Variants in ANTXRL observed in about 807,000 individuals in gnomAD.
ANTXRL encodes the protein ANTXR like, also known as anthrax toxin receptor-like.
In ANTXRL, 63 loss-of-function variants were observed where a neutral mutation model predicts 75.4. The ratio of observed to expected loss-of-function variants is 0.84; its 90% CI spans 0.68 to 1.03. The LOEUF (loss-of-function observed/expected upper bound fraction) is 1.03, where lower values mean the gene tolerates loss of function less well. Among genes scored for constraint, ANTXRL ranks in the 50% least tolerant of loss-of-function variants. ANTXRL has a pLI of 0.00. For synonymous variants in ANTXRL, 335 were observed against 291.3 expected (o/e 1.15, Z -1.53); for missense variants, 797 against 789.4 (o/e 1.01, Z -0.12).
intron 10 of ANTXRL, among the ~76,000 whole-genome samples, chr10:46,303,883 C>T (rs1455654643): frequency 5.9e-5 from 9 of 152,030 alleles, no homozygotes; most frequent in Admixed American, 4.6e-4. Flanking sequence ...TCCCAGGTGG[C>T]CCCTTGATAC....
At chr10:46,300,993 C>T (rs1249103243) in intron 9 of ANTXRL, among the ~76,000 whole-genome samples, 1 of 149,554 alleles carries the variant, frequency 6.7e-6, no homozygotes, top group Non-Finnish European at 1.5e-5. Flanking sequence ...TCCCACCCCC[C>T]CTCTCTCTTC....
intron 16 of ANTXRL, among the ~76,000 whole-genome samples, chr10:46,321,034 A>G (rs1554965477): frequency 6.6e-6 from 1 of 152,232 alleles, no homozygotes; most frequent in African/African-American, 2.4e-5. Context: ...TAGCAAGTGC[A>G]GGAAAGAAAG....
chr10:46,321,045 T>C (rs1003112063), intron 16 of ANTXRL, among the ~76,000 whole-genome samples: 2 of 152,164 alleles, frequency 1.3e-5, no homozygotes, highest in South Asian at 2.1e-4. Context: ...GGAAAGAAAG[T>C]AGCAATTATG....
chr10:46,314,116 C>T (rs74129859), intron 16 of ANTXRL, among the ~76,000 whole-genome samples: 6,028 of 152,228 alleles, frequency 0.04, 379 homozygotes, highest in African/African-American at 0.14. Flanking sequence ...TGCATCAGGC[C>T]AGCATAGGTT....
chr10:46,311,020 G>A (rs1838388259), intron 14 of ANTXRL, among the ~76,000 whole-genome samples: 1 of 152,102 alleles, frequency 6.6e-6, no homozygotes, highest in Non-Finnish European at 1.5e-5. Context: ...CCAGCCCAGT[G>A]AGCACAGGGG....
In ANTXRL at chr10:46,313,296, T is replaced by C; in HGVS notation, c.1390T>C (p.Cys464Arg). ...AAGCTGCCACCAGGTGCCATGGATG[T>C]GTTGTCAGAGCAGGGACCAGGTGAG... Reference protein sequence around the residue: ...HASCHQVPWMCCQSRDQGRYL... With the variant: ...HASCHQVPWMRCQSRDQGRYL... The change falls in exon 16 of 17, where the codon TGT becomes CGT. Residue 464 changes from cysteine to arginine, a missense_variant. Coordinates refer to ENST00000620264, the MANE Select transcript of ANTXRL (RefSeq NM_001278688.3). 2.0e-6 allele frequency: 3 copies of C among 1,535,894 alleles called. 1 individual carries two copies. The African/African-American group carries it at 4.1e-5, about 21-fold the overall frequency.
chr10:46,324,779 C>G (rs1276126981), intron 16 of ANTXRL, among the ~76,000 whole-genome samples: 1 of 152,148 alleles, frequency 6.6e-6, no homozygotes, highest in Non-Finnish European at 1.5e-5. Context: ...CTGTAGAGAG[C>G]ATAACCATTC....
At position 46,312,398 on chromosome 10, in the gene ANTXRL, GCAGGGGACCCTGCA is replaced by G. The variant is rs1331080277; in HGVS notation, c.1329+740_1329+753del. Among the ~76,000 whole-genome samples, 2 of 147,022 alleles carry G rather than the reference GCAGGGGACCCTGCA, an allele frequency of 1.4e-5. 1 individual carries two copies. Among genetic ancestry groups the G allele is most frequent in the Non-Finnish European group, 3.0e-5 (2 of 65,720 alleles). ...CTGAGGGGAACCCTGCCAGACAGCAGCAGGGGACCCTGCACAGGGGTAGAGAGGGCGCCTGGGTG... is the reference window on the plus strand; with the variant it reads ...CTGAGGGGAACCCTGCCAGACAGCAGCAGGGGTAGAGAGGGCGCCTGGGTG... On this transcript the variant is annotated intron_variant, in intron 15 of 16. Coordinates refer to ENST00000620264, the MANE Select transcript of ANTXRL (RefSeq NM_001278688.3).
intron 16 of ANTXRL, among the ~76,000 whole-genome samples, chr10:46,326,113 C>T (rs570222586): frequency 4.4e-4 from 65 of 148,362 alleles, no homozygotes; most frequent in African/African-American, 1.6e-3. Flanking sequence ...TTTTCATCTT[C>T]ATGCTAAAAG....
Position 46,293,995 on chromosome 10 carries a change from G to A in ANTXRL, c.392+95G>A, listed in dbSNP as rs540334987. On this transcript the variant is annotated intron_variant, in intron 3 of 16. Transcript: ENST00000620264. ...GGGCTCCCGGAGACCTTGGTTGGGA[G>A]CCTGACAGCACACAGGGCAGGCCGG... is the stretch of plus-strand genomic sequence containing the variant. The A allele has an allele frequency of 1.1e-4, 139 of 1,216,282 alleles. No individual in the cohort carries two copies. In the South Asian group the frequency reaches 1.9e-3, roughly 16 times the overall value. The allele number at this position is 1,216,282 out of a possible 1,614,324, so 75.3% of individuals were successfully genotyped here. A position where few individuals can be genotyped will look rare whatever the true frequency, so the allele number is the denominator to read the frequency against.
intron 2 of ANTXRL, 22 bp downstream of exon 2, chr10:46,292,151 C>T (rs1554956692): frequency 8.5e-6 from 13 of 1,534,842 alleles, no homozygotes; most frequent in Non-Finnish European, 1.0e-5. Flanking sequence ...TGCATGGCAG[C>T]CTCCCCTGAG....
At chr10:46,327,629 C>A (rs1202835821) in intron 16 of ANTXRL, among the ~76,000 whole-genome samples, 1 of 152,104 alleles carries the variant, frequency 6.6e-6, no homozygotes, top group Non-Finnish European at 1.5e-5. Context: ...AGAGAGAGAC[C>A]ATCTCTGTAG....
chr10:46,327,997 T>C (rs1483753114), intron 16 of ANTXRL, among the ~76,000 whole-genome samples: 17 of 152,288 alleles, frequency 1.1e-4, no homozygotes, highest in African/African-American at 4.1e-4. Flanking sequence ...GGGATCCTGC[T>C]GCAGCCCTCC....
At chr10:46,292,213 T>C (rs1837020437) in intron 2 of ANTXRL, 84 bp downstream of exon 2, 1 of 1,360,452 alleles carries the variant, frequency 7.4e-7, no homozygotes, top group Admixed American at 2.0e-5. Context: ...TCCCATCAGA[T>C]GGGGTGGGCG....
chr10:46,323,338 G>A (rs965866488), intron 16 of ANTXRL, among the ~76,000 whole-genome samples: 20 of 152,124 alleles, frequency 1.3e-4, no homozygotes, highest in African/African-American at 4.6e-4. Context: ...GTAAATTAAC[G>A]CAAGAGGCCA....
At chr10:46,295,874 G>A (rs1837347422) in intron 3 of ANTXRL, 145 bp from the exon 4 acceptor site, 1 of 708,906 alleles carries the variant, frequency 1.4e-6, no homozygotes, top group Non-Finnish European at 2.4e-6. Context: ...TCACAATGAG[G>A]AATGAGGAGG....
At chr10:46,307,268 C>G in intron 11 of ANTXRL, 134 bp from the exon 12 acceptor site, 1 of 709,734 alleles carries the variant, frequency 1.4e-6, no homozygotes, top group Non-Finnish European at 2.5e-6. Context: ...GTCTGACCCA[C>G]TTACCCTTTG....
intron 9 of ANTXRL, among the ~76,000 whole-genome samples, chr10:46,298,356 A>T (rs113708985): frequency 0.42 from 61,469 of 147,084 alleles, 12,196 homozygotes; most frequent in Non-Finnish European, 0.48. Flanking sequence ...AATGTGTGTG[A>T]GATTGTGTGG....
At chr10:46,309,480 A>G (rs1378922000) in intron 13 of ANTXRL, among the ~76,000 whole-genome samples, 2 of 152,192 alleles carry the variant, frequency 1.3e-5, no homozygotes, top group African/African-American at 4.8e-5. Context: ...CCTAGAGAGA[A>G]GTGACCCCAG....
Sources: allele counts gnomAD v4.1 joint callset (sites outside exome capture counted in the v4.1 genomes callset), GRCh38; gene constraint gnomAD v4.1.1; transcripts MANE v1.5; gene names NCBI Gene and HGNC (gene_info 2026-07-23, HGNC 2026-07-21).